The following BLTP1 variants were observed in gnomAD, a reference collection of about 807,000 sequenced individuals.
BLTP1 encodes bridge-like lipid transfer protein family member 1.
the BLTP1 span, chr4:122,203,801 C>T: frequency 2.3e-5 from 12 of 522,054 alleles, no homozygotes; most frequent in Admixed American, 6.4e-5. Flanking sequence ...AAAACTAACA[C>T]GATTTATTAG....
the BLTP1 span, chr4:122,257,508 G>A: frequency 1.2e-6 from 2 of 1,613,380 alleles, no homozygotes; most frequent in Non-Finnish European, 1.7e-6. Context: ...AGTTTTGTAA[G>A]CCTCTATTGA....
the BLTP1 span, among the ~76,000 whole-genome samples, chr4:122,331,997 A>G: frequency 6.6e-6 from 1 of 152,006 alleles, no homozygotes; most frequent in Non-Finnish European, 1.5e-5. Context: ...CAGCTTTACT[A>G]TTTGTTTACA....
the BLTP1 span, among the ~76,000 whole-genome samples, chr4:122,335,903 G>A: frequency 6.6e-6 from 1 of 151,988 alleles, no homozygotes; most frequent in Non-Finnish European, 1.5e-5. Context: ...CTTCTTAAAT[G>A]GACAAAAGGA....
chr4:122,329,033 G>A, the BLTP1 span, among the ~76,000 whole-genome samples: 11 of 151,722 alleles, frequency 7.3e-5, no homozygotes, highest in Non-Finnish European at 1.2e-4. Context: ...TACATTTTGA[G>A]TTTTAGGGAT....
the BLTP1 span, chr4:122,331,554 T>C: frequency 6.2e-7 from 1 of 1,607,518 alleles, no homozygotes; most frequent in Non-Finnish European, 8.5e-7. Flanking sequence ...AAGAAATTGA[T>C]TGGAAAAGGA....
the BLTP1 span, chr4:122,291,042 T>C: frequency 3.6e-6 from 1 of 275,492 alleles, no homozygotes; most frequent in South Asian, 1.4e-4. Context: ...GAGAAAGGCT[T>C]TTCTTAACCT....
At chr4:122,272,495 C>A in the BLTP1 span, 1 of 1,157,584 alleles carries the variant, frequency 8.6e-7, no homozygotes, top group Non-Finnish European at 1.2e-6. Flanking sequence ...CTCCAAAATT[C>A]CTAATTGGCA....
At chr4:122,325,773 GTTT>G in the BLTP1 span, 5 of 787,920 alleles carry the variant, frequency 6.3e-6, no homozygotes, top group Non-Finnish European at 8.6e-6. Flanking sequence ...TGTTTATTTT[GTTT>G]TTTGTGTATT....
chr4:122,232,606 C>CA, the BLTP1 span, among the ~76,000 whole-genome samples: 5 of 150,720 alleles, frequency 3.3e-5, no homozygotes, highest in Admixed American at 6.6e-5. Context: ...GACTCTGTCT[C>CA]AAAAAAAATA....
chr4:122,249,111 A>G, the BLTP1 span: 7 of 870,020 alleles, frequency 8.0e-6, no homozygotes, highest in Non-Finnish European at 9.7e-6. Flanking sequence ...TGCCTAGAAA[A>G]TAATGTTTTT....
At chr4:122,321,555 TCACA>T in the BLTP1 span, among the ~76,000 whole-genome samples, 12 of 151,658 alleles carry the variant, frequency 7.9e-5, no homozygotes, top group Non-Finnish European at 1.3e-4. Context: ...ATACACACAC[TCACA>T]CACATGTGAT....
At chr4:122,226,426 A>G in the BLTP1 span, 1 of 1,173,128 alleles carries the variant, frequency 8.5e-7, no homozygotes, top group Non-Finnish European at 1.1e-6. Context: ...CTTGAATAAA[A>G]GGATTTGCGT....
the BLTP1 span, chr4:122,249,541 A>G: frequency 6.2e-7 from 1 of 1,613,704 alleles, no homozygotes; most frequent in East Asian, 2.2e-5. Context: ...AGTTTTATTT[A>G]CTCTTGAAGA....
At chr4:122,183,634 C>T in the BLTP1 span, 2 of 426,796 alleles carry the variant, frequency 4.7e-6, no homozygotes, top group East Asian at 1.6e-4. Context: ...TTTGACTCTA[C>T]AAGTTACAAT....
the BLTP1 span, chr4:122,249,166 A>C: frequency 1.5e-6 from 1 of 674,200 alleles, no homozygotes. Context: ...ATTTTGTGAG[A>C]TGATGAAAGT....
chr4:122,164,339 T>C, the BLTP1 span: 11 of 901,306 alleles, frequency 1.2e-5, no homozygotes, highest in African/African-American at 1.8e-4. Context: ...TTTTAAATTA[T>C]GGAAATATTA....
At chr4:122,334,767 T>C in the BLTP1 span, among the ~76,000 whole-genome samples, 1 of 152,190 alleles carries the variant, frequency 6.6e-6, no homozygotes, top group South Asian at 2.1e-4. Flanking sequence ...ATAAATAATA[T>C]ACCAAATAGT....
the BLTP1 span, chr4:122,243,131 C>G: frequency 1.4e-6 from 2 of 1,448,024 alleles, no homozygotes; most frequent in Non-Finnish European, 1.9e-6. Context: ...AGAGTTTATT[C>G]TGAATAATAA....
the BLTP1 span, chr4:122,264,516 T>A: frequency 7.9e-7 from 1 of 1,260,722 alleles, no homozygotes; most frequent in Admixed American, 3.0e-5. Flanking sequence ...CACCTTGGAA[T>A]TCTAGTGAGG....
Sources: allele counts gnomAD v4.1 joint callset (sites outside exome capture counted in the v4.1 genomes callset), GRCh38; gene constraint gnomAD v4.1.1; transcripts MANE v1.5; gene names NCBI Gene and HGNC (gene_info 2026-07-23, HGNC 2026-07-21).